Variants in PRR16 observed in about 807,000 individuals in gnomAD.
The protein encoded by PRR16 is proline rich 16.
In PRR16, 6 loss-of-function variants were observed where a neutral mutation model predicts 18.2. The observed-to-expected ratio is 0.33, with a 90% CI of 0.18 to 0.65. PRR16 has a LOEUF of 0.65. Ranked by LOEUF, PRR16 falls within the 30% of genes least tolerant of loss-of-function variation. PRR16 has a pLI of 0.74. For synonymous variants in PRR16, 151 were observed against 147.8 expected, an observed-to-expected ratio of 1.02 and a Z score of -0.16; for missense variants, 412 against 376.6, an observed-to-expected ratio of 1.09 and a Z score of -0.78.
chr5:120,605,812 C>G (rs1008049195), intron 1 of PRR16, among the ~76,000 whole-genome samples: 1 of 152,170 alleles, frequency 6.6e-6, no homozygotes, highest in African/African-American at 2.4e-5. Context: ...GCTGCATGCT[C>G]TTACCCTGGC....
At chr5:120,661,131 A>T (rs1044363125) in intron 1 of PRR16, among the ~76,000 whole-genome samples, 1 of 151,972 alleles carries the variant, frequency 6.6e-6, no homozygotes, top group African/African-American at 2.4e-5. Context: ...TTGTCCTTTC[A>T]TGTTTTGGGA....
the PRR16 span, among the ~76,000 whole-genome samples, chr5:120,778,401 A>T: frequency 6.6e-6 from 1 of 152,188 alleles, no homozygotes; most frequent in Non-Finnish European, 1.5e-5. Flanking sequence ...ATCTTACATT[A>T]TTCATGTTTG....
At chr5:120,775,968 C>A in the PRR16 span, among the ~76,000 whole-genome samples, 32 of 151,890 alleles carry the variant, frequency 2.1e-4, no homozygotes, top group Non-Finnish European at 4.4e-5. Context: ...ATCTAACCAG[C>A]TTACTTTCCA....
chr5:120,495,414 G>T (rs1426791250), intron 1 of PRR16, among the ~76,000 whole-genome samples: 1 of 152,022 alleles, frequency 6.6e-6, no homozygotes. Context: ...ATATAAAATG[G>T]TATGGTATTT....
chr5:120,506,567 C>A (rs1421613597), intron 1 of PRR16, among the ~76,000 whole-genome samples: 1 of 151,906 alleles, frequency 6.6e-6, no homozygotes, highest in Non-Finnish European at 1.5e-5. Context: ...CCATTTTAAC[C>A]AGAGTGAGAT....
chr5:120,754,424 A>G, the PRR16 span, among the ~76,000 whole-genome samples: 1 of 100,168 alleles, frequency 1.0e-5, no homozygotes, highest in African/African-American at 4.1e-5. Context: ...TATATATTAT[A>G]TAATATATAG....
chr5:120,597,321 G>A (rs1400598923), intron 1 of PRR16, among the ~76,000 whole-genome samples: 3 of 151,430 alleles, frequency 2.0e-5, no homozygotes, highest in Non-Finnish European at 4.4e-5. Flanking sequence ...TGTGCTTTGT[G>A]AGTCTTGTTA....
At chr5:120,578,692 G>A (rs1227580831) in intron 1 of PRR16, among the ~76,000 whole-genome samples, 3 of 152,148 alleles carry the variant, frequency 2.0e-5, no homozygotes, top group East Asian at 1.9e-4. Flanking sequence ...ACTGTAAATA[G>A]TGCTGCAGTA....
chr5:120,472,430 C>G (rs921907962), intron 1 of PRR16, among the ~76,000 whole-genome samples: 11 of 152,068 alleles, frequency 7.2e-5, no homozygotes, highest in Middle Eastern at 6.8e-3. Context: ...TCTTAATAGT[C>G]TCCCTCCCCC....
At chr5:120,585,831 G>C (rs1034089813) in intron 1 of PRR16, among the ~76,000 whole-genome samples, 4 of 151,770 alleles carry the variant, frequency 2.6e-5, no homozygotes, top group African/African-American at 9.7e-5. Context: ...TCATTTCCAG[G>C]ATCCCTGTTA....
chr5:120,591,061 CA>C (rs1753619201), intron 1 of PRR16, among the ~76,000 whole-genome samples: 1 of 151,966 alleles, frequency 6.6e-6, no homozygotes, highest in African/African-American at 2.4e-5. Flanking sequence ...GGGCAGATCA[CA>C]AGGTCAGGAG....
At chr5:120,541,021 A>T (rs1751896725) in intron 1 of PRR16, among the ~76,000 whole-genome samples, 1 of 152,182 alleles carries the variant, frequency 6.6e-6, no homozygotes, top group Non-Finnish European at 1.5e-5. Flanking sequence ...ACACACATAC[A>T]TGTATTTTAT....
intron 1 of PRR16, among the ~76,000 whole-genome samples, chr5:120,576,585 C>T (rs1753086667): frequency 6.6e-6 from 1 of 152,092 alleles, no homozygotes; most frequent in South Asian, 2.1e-4. Context: ...ATTAGTATAG[C>T]CAGTTGAAAT....
intron 1 of PRR16, among the ~76,000 whole-genome samples, chr5:120,637,658 G>C (rs1755283507): frequency 6.6e-6 from 1 of 151,970 alleles, no homozygotes. Context: ...GAAGGGTGAG[G>C]GATGGCAAGA....
At chr5:120,645,791 A>G (rs879432985) in intron 1 of PRR16, among the ~76,000 whole-genome samples, 4 of 151,850 alleles carry the variant, frequency 2.6e-5, no homozygotes, top group Middle Eastern at 3.2e-3. Context: ...CTAGTGATCA[A>G]TTTATCTGCA....
At chr5:120,621,180 A>G (rs1754677909) in intron 1 of PRR16, among the ~76,000 whole-genome samples, 1 of 151,696 alleles carries the variant, frequency 6.6e-6, no homozygotes, top group Non-Finnish European at 1.5e-5. Context: ...ACCAAACTCT[A>G]CTCCTTCTTT....
chr5:120,582,100 A>G (rs1267639721), intron 1 of PRR16, among the ~76,000 whole-genome samples: 1 of 152,198 alleles, frequency 6.6e-6, no homozygotes, highest in Non-Finnish European at 1.5e-5. Flanking sequence ...TGTGGTATAT[A>G]TAAAACACAG....
chr5:120,627,923 T>C (rs2112833335), intron 1 of PRR16, among the ~76,000 whole-genome samples: 1 of 152,258 alleles, frequency 6.6e-6, no homozygotes, highest in East Asian at 1.9e-4. Context: ...GAAATAAGTT[T>C]GTGGTTTCTT....
intron 1 of PRR16, among the ~76,000 whole-genome samples, chr5:120,529,899 A>G (rs1751488932): frequency 6.6e-6 from 1 of 152,028 alleles, no homozygotes; most frequent in Admixed American, 6.6e-5. Flanking sequence ...TAAACACAAT[A>G]CAGCAGGCTT....
Sources: gnomAD v4.1 joint callset for allele counts (sites outside exome capture counted in the v4.1 genomes callset) on GRCh38, gnomAD v4.1.1 for gene constraint, MANE v1.5 for transcripts, NCBI Gene and HGNC (gene_info 2026-07-23, HGNC 2026-07-21) for gene names.